The following NRG3 variants were observed in gnomAD, a reference collection of about 807,000 sequenced individuals.
The protein encoded by NRG3 is pro-neuregulin-3, membrane-bound isoform.
NRG3 carries 31 observed loss-of-function variants against 66.9 expected under a neutral mutation model. That is an observed-to-expected ratio of 0.46 (90% CI 0.35 to 0.63). The LOEUF is 0.63. Ranked by LOEUF, NRG3 falls within the 20% of genes least tolerant of loss-of-function variation. NRG3 has a pLI of 0.00. For synonymous variants in NRG3, 393 were observed against 359.4 expected (o/e 1.09, Z -1.06); for missense variants, 910 against 878.9 (o/e 1.04, Z -0.45).
At chr10:82,591,903 A>G (rs1296626811) in intron 2 of NRG3, among the ~76,000 whole-genome samples, 1 of 152,218 alleles carries the variant, frequency 6.6e-6, no homozygotes, top group Non-Finnish European at 1.5e-5. Context: ...AAATTGTCAC[A>G]AAACAATGTT....
intron 3 of NRG3, among the ~76,000 whole-genome samples, chr10:82,833,593 A>G (rs533182862): frequency 6.6e-5 from 10 of 152,292 alleles, no homozygotes; most frequent in Admixed American, 6.5e-4. Context: ...CAGCATCTGC[A>G]GCCGACCTTC....
chr10:81,971,647 G>GA (rs2059937981), intron 1 of NRG3, among the ~76,000 whole-genome samples: 1 of 152,128 alleles, frequency 6.6e-6, no homozygotes, highest in African/African-American at 2.4e-5. Context: ...AACAAATGAG[G>GA]AAAGTCATAT....
chr10:82,443,229 TG>T (rs59951141), intron 2 of NRG3, among the ~76,000 whole-genome samples: 5,921 of 152,130 alleles, frequency 0.039, 121 homozygotes, highest in South Asian at 0.048. Context: ...TTTTCTCCAT[TG>T]TGATATCCCA....
chr10:82,021,986 G>A (rs1053602014), intron 1 of NRG3, among the ~76,000 whole-genome samples: 1 of 150,968 alleles, frequency 6.6e-6, no homozygotes, highest in Admixed American at 6.6e-5. Context: ...TACATTGGAT[G>A]CTTTTTTTTT....
At chr10:82,130,836 C>CT (rs961990433) in intron 1 of NRG3, among the ~76,000 whole-genome samples, 6 of 151,992 alleles carry the variant, frequency 3.9e-5, no homozygotes, top group African/African-American at 9.7e-5. Context: ...ATTCGTGTGT[C>CT]TTTTTTTGAG....
chr10:81,917,348 TGA>T (rs1279668837), intron 1 of NRG3, among the ~76,000 whole-genome samples: 1 of 152,202 alleles, frequency 6.6e-6, no homozygotes, highest in Non-Finnish European at 1.5e-5. Context: ...TAGTTATACA[TGA>T]GCATGTTTTA....
intron 1 of NRG3, among the ~76,000 whole-genome samples, chr10:82,219,226 TGGGTGTG>T (rs1459089795): frequency 0.019 from 2,832 of 148,736 alleles, 115 homozygotes; most frequent in East Asian, 0.12. Flanking sequence ...TTGTTTTGTT[TGGGTGTG>T]GGCCGCCCTG....
chr10:82,347,213 A>T (rs1825938535), intron 1 of NRG3, among the ~76,000 whole-genome samples: 1 of 146,000 alleles, frequency 6.8e-6, no homozygotes, highest in African/African-American at 2.7e-5. Context: ...TAGTGCTATA[A>T]ATTTCCCTCT....
chr10:82,593,000 C>CA (rs2047070234), intron 2 of NRG3, among the ~76,000 whole-genome samples: 1 of 152,222 alleles, frequency 6.6e-6, no homozygotes, highest in East Asian at 1.9e-4. Context: ...GATGCATATA[C>CA]AAAAAATTAC....
chr10:82,920,553 C>T (rs1426452596), intron 4 of NRG3, among the ~76,000 whole-genome samples: 1 of 152,080 alleles, frequency 6.6e-6, no homozygotes, highest in Non-Finnish European at 1.5e-5. Flanking sequence ...CAACGACACC[C>T]CAGTATCTAT....
intron 1 of NRG3, among the ~76,000 whole-genome samples, chr10:82,233,984 C>T (rs888286383): frequency 2.0e-5 from 3 of 152,092 alleles, no homozygotes; most frequent in African/African-American, 7.2e-5. Flanking sequence ...ACAGTATCCC[C>T]CCATCATATT....
At chr10:82,658,683 G>A (rs541701065) in intron 2 of NRG3, among the ~76,000 whole-genome samples, 7 of 152,074 alleles carry the variant, frequency 4.6e-5, no homozygotes, top group Non-Finnish European at 8.8e-5. Context: ...AAGTGGGGGC[G>A]GGAGAGATTA....
At chr10:82,095,134 A>C (rs550013169) in intron 1 of NRG3, among the ~76,000 whole-genome samples, 2 of 152,274 alleles carry the variant, frequency 1.3e-5, no homozygotes, top group East Asian at 1.9e-4. Flanking sequence ...TGGGAACCTG[A>C]AGATAAAGGC....
At chr10:82,169,333 AT>A (rs970135538) in intron 1 of NRG3, among the ~76,000 whole-genome samples, 15 of 151,606 alleles carry the variant, frequency 9.9e-5, no homozygotes, top group Middle Eastern at 3.4e-3. Context: ...TATCTTAATC[AT>A]TTTTTTTCCC....
chr10:82,691,198 T>C (rs1025960504), intron 2 of NRG3, among the ~76,000 whole-genome samples: 1 of 151,970 alleles, frequency 6.6e-6, no homozygotes, highest in Non-Finnish European at 1.5e-5. Flanking sequence ...AGCACAAATG[T>C]CCCCCAAGTC....
At chr10:81,907,698 T>C (rs1844727531) in intron 1 of NRG3, among the ~76,000 whole-genome samples, 2 of 152,184 alleles carry the variant, frequency 1.3e-5, no homozygotes, top group African/African-American at 4.8e-5. Context: ...CTTTTGACTA[T>C]AAATTTGGAG....
intron 4 of NRG3, among the ~76,000 whole-genome samples, chr10:82,899,970 G>C (rs527877105): frequency 6.6e-5 from 10 of 152,170 alleles, no homozygotes; most frequent in African/African-American, 2.4e-4. Context: ...AAGAAAAGAG[G>C]TTTAATTAGC....
chr10:82,234,236 A>G (rs1376441342), intron 1 of NRG3, among the ~76,000 whole-genome samples: 1 of 152,046 alleles, frequency 6.6e-6, no homozygotes, highest in Non-Finnish European at 1.5e-5. Context: ...TCCAATACCA[A>G]TGGTCTTTTA....
intron 1 of NRG3, among the ~76,000 whole-genome samples, chr10:82,090,994 C>T (rs992753608): frequency 6.6e-6 from 1 of 152,002 alleles, no homozygotes; most frequent in African/African-American, 2.4e-5. Context: ...AAGACAAAAA[C>T]GTTTTAGAGT....
Sources: gnomAD v4.1 joint callset for allele counts (sites outside exome capture counted in the v4.1 genomes callset) on GRCh38, gnomAD v4.1.1 for gene constraint, MANE v1.5 for transcripts, NCBI Gene and HGNC (gene_info 2026-07-23, HGNC 2026-07-21) for gene names.